Variants in PACSIN2 observed in about 807,000 individuals in gnomAD.
The protein encoded by PACSIN2 is protein kinase C and casein kinase substrate in neurons protein 2.
In PACSIN2, 25 loss-of-function variants were observed where a neutral mutation model predicts 63.8. That is an observed-to-expected ratio of 0.39 (90% confidence interval 0.29 to 0.55). The LOEUF (loss-of-function observed/expected upper bound fraction) is 0.55, where lower values mean the gene tolerates loss of function less well. Among genes scored for constraint, PACSIN2 ranks in the 20% least tolerant of loss-of-function variants. PACSIN2 has a pLI of 0.62. For synonymous variants in PACSIN2, 255 were observed against 256.2 expected (o/e 1.00, Z 0.05); for missense variants, 518 against 646.9 (o/e 0.80, Z 2.16).
At chr22:42,962,785 G>A (rs867688347) in intron 1 of PACSIN2, among the ~76,000 whole-genome samples, 1 of 116,868 alleles carries the variant, frequency 8.6e-6, no homozygotes, top group Non-Finnish European at 1.9e-5. Context: ...CGGGGGGGGG[G>A]GGCGGCGCAG....
intron 1 of PACSIN2, among the ~76,000 whole-genome samples, chr22:42,957,924 C>G (rs1053700833): frequency 2.0e-5 from 3 of 152,086 alleles, no homozygotes; most frequent in Non-Finnish European, 4.4e-5. Context: ...AGGGGAGAGG[C>G]AAGCAAAACT....
intron 1 of PACSIN2, among the ~76,000 whole-genome samples, chr22:42,920,477 T>C (rs1446762251): frequency 1.3e-5 from 2 of 152,192 alleles, no homozygotes; most frequent in Non-Finnish European, 1.5e-5. Flanking sequence ...ATAATGACAT[T>C]ACAGCATGGC....
At chr22:43,013,097 T>C (rs1182153426) in intron 1 of PACSIN2, among the ~76,000 whole-genome samples, 1 of 152,244 alleles carries the variant, frequency 6.6e-6, no homozygotes, top group Non-Finnish European at 1.5e-5. Flanking sequence ...CAGCCTAGAT[T>C]ATTTAAATAT....
At position 42,871,237 on chromosome 22, in the gene PACSIN2, CA is replaced by C; in HGVS notation, c.*119del. 7.3e-6 allele frequency: 5 copies of C among 689,486 alleles called. No individual in the cohort carries two copies. Among genetic ancestry groups the C allele is most frequent in the Non-Finnish European group, 1.3e-5 (5 of 380,876 alleles). The allele number at this position is 689,486 out of a possible 1,614,324, so 42.7% of individuals were successfully genotyped here. ...CAGCTCATCTGCCTTCCAGGAACAC[CA>C]TGAAGCCAAGAGCAATGGAACCATC... is the stretch of plus-strand genomic sequence containing the variant. On this transcript the variant is annotated 3_prime_UTR_variant, in exon 11 of 11. Coordinates refer to ENST00000263246, the MANE Select transcript of PACSIN2 (RefSeq NM_001184970.3). The surrounding 1 kb of genome is among the most constrained non-coding windows in gnomAD (Gnocchi z 5.4).
At chr22:42,951,842 C>T (rs926400579) in intron 1 of PACSIN2, among the ~76,000 whole-genome samples, 1 of 149,250 alleles carries the variant, frequency 6.7e-6, no homozygotes, top group South Asian at 2.1e-4. Context: ...CAGCGCCAGT[C>T]TCGCTCCTTC....
Position 42,915,740 on chromosome 22 carries a change from C to A in PACSIN2, c.-77-3583G>T, listed in dbSNP as rs191833219. ...TATAAAATGCACAAGGCATTTCAGA[C>A]CCAACAGAAATTACTTTAGGAAGCT... On this transcript the variant is annotated intron_variant, in intron 1 of 10. Coordinates refer to ENST00000263246, the MANE Select transcript of PACSIN2 (RefSeq NM_001184970.3). Among the ~76,000 whole-genome samples the A allele has an allele frequency of 2.2e-3, 328 of 152,264 alleles. 3 individuals carry two copies. Among genetic ancestry groups the A allele is most frequent in the Non-Finnish European group, 3.4e-4 (23 of 68,006 alleles).
At chr22:42,962,356 A>G (rs913436220) in intron 1 of PACSIN2, among the ~76,000 whole-genome samples, 3 of 152,084 alleles carry the variant, frequency 2.0e-5, no homozygotes, top group Non-Finnish European at 4.4e-5. Flanking sequence ...TTTGGGGGTA[A>G]GCATTGTTAT....
intron 1 of PACSIN2, among the ~76,000 whole-genome samples, chr22:42,922,821 G>T (rs556509189): frequency 6.6e-6 from 1 of 152,302 alleles, no homozygotes; most frequent in African/African-American, 2.4e-5. Flanking sequence ...CATCCTACTA[G>T]GGCAGATTGG....
chr22:42,992,151 C>T (rs1476324843), intron 1 of PACSIN2, among the ~76,000 whole-genome samples: 1 of 152,122 alleles, frequency 6.6e-6, no homozygotes, highest in Non-Finnish European at 1.5e-5. Context: ...TTAAAAATTT[C>T]AAAACTAAGT....
chr22:42,970,041 A>G (rs1444045935), intron 1 of PACSIN2, among the ~76,000 whole-genome samples: 2 of 152,160 alleles, frequency 1.3e-5, no homozygotes, highest in East Asian at 1.9e-4. Context: ...ACAGAACCCA[A>G]ATGCATCTCC....
chr22:42,876,022 G>A, intron 10 of PACSIN2, 115 bp downstream of exon 10: 1 of 845,208 alleles, frequency 1.2e-6, no homozygotes, highest in Non-Finnish European at 1.8e-6. Flanking sequence ...AGGGCCTGCA[G>A]TGACTCACAA....
Position 42,900,724 on chromosome 22 carries a change from T to C in PACSIN2, c.61-7111A>G, listed in dbSNP as rs374064300. On this transcript the variant is annotated intron_variant, in intron 2 of 10. Transcript: ENST00000263246. Reference sequence around the variant, plus strand: ...CCTAGGCTCAAGCAATCCTCCCAACTTGGACTCCCAAAGTGCTGGGATTAC... The same window carrying C: ...CCTAGGCTCAAGCAATCCTCCCAACCTGGACTCCCAAAGTGCTGGGATTAC... 4.4e-4 allele frequency among the ~76,000 whole-genome samples: 67 copies of C among 152,286 alleles called. 1 individual carries two copies. The South Asian group carries it at 0.014, about 32-fold the overall frequency.
At chr22:42,900,436 C>T (rs1239781853) in intron 2 of PACSIN2, among the ~76,000 whole-genome samples, 1 of 152,130 alleles carries the variant, frequency 6.6e-6, no homozygotes, top group Non-Finnish European at 1.5e-5. Context: ...TGTGAGAATG[C>T]TAGCCAGGGG....
chr22:42,956,322 T>G (rs921020440), intron 1 of PACSIN2, among the ~76,000 whole-genome samples: 5 of 152,030 alleles, frequency 3.3e-5, no homozygotes, highest in Admixed American at 2.0e-4. Context: ...TATGACAGAG[T>G]CTAATAAGAA....
chr22:42,966,153 C>T (rs1002345672), intron 1 of PACSIN2, among the ~76,000 whole-genome samples: 5 of 152,100 alleles, frequency 3.3e-5, no homozygotes, highest in African/African-American at 4.8e-5. Context: ...AGGCGGATCA[C>T]GAGGTCAAGA....
At chr22:42,922,518 C>T (rs771379020) in intron 1 of PACSIN2, among the ~76,000 whole-genome samples, 5 of 152,248 alleles carry the variant, frequency 3.3e-5, no homozygotes, top group Admixed American at 3.3e-4. Context: ...GGTGGACATC[C>T]TCGCTGCCAC....
intron 1 of PACSIN2, among the ~76,000 whole-genome samples, chr22:42,979,523 C>CAAAAAAAAAAAAAAAAAAAAAGAA (rs1921932725): frequency 1.6e-5 from 1 of 61,644 alleles, no homozygotes; most frequent in Non-Finnish European, 3.2e-5. Flanking sequence ...GACTCCCTCT[C>CAAAAAAAAAAAAAAAAAAAAAGAA]AAAAAAAAAA....
intron 1 of PACSIN2, among the ~76,000 whole-genome samples, chr22:42,949,162 C>T (rs570114361): frequency 6.6e-6 from 1 of 152,276 alleles, no homozygotes; most frequent in Admixed American, 6.5e-5. Context: ...AATAGGTGCA[C>T]ATTTTAACTT....
intron 1 of PACSIN2, among the ~76,000 whole-genome samples, chr22:43,009,936 C>T (rs571528299): frequency 2.8e-5 from 4 of 140,662 alleles, no homozygotes; most frequent in South Asian, 4.5e-4. Context: ...GTGGCACAAT[C>T]TCGGCTCACT....
Sources: gnomAD v4.1 joint callset for allele counts (sites outside exome capture counted in the v4.1 genomes callset) on GRCh38, gnomAD v4.1.1 for gene constraint, Gnocchi (gnomAD v3.1) non-coding constraint, MANE v1.5 for transcripts, NCBI Gene and HGNC (gene_info 2026-07-23, HGNC 2026-07-21) for gene names.